Variants in LRP1B observed in about 807,000 individuals in gnomAD.
LRP1B encodes LDL receptor related protein 1B.
A neutral mutation model predicts 556.6 loss-of-function variants in LRP1B; 217 were observed. That is an observed-to-expected ratio of 0.39 (90% CI 0.35 to 0.44). The LOEUF (loss-of-function observed/expected upper bound fraction) is 0.44. LRP1B is among the 20% of genes least tolerant of loss of function. The probability of loss-of-function intolerance (pLI) is 1.00; values close to 1 mark genes in which losing one functional copy is unlikely to be tolerated. For missense variants in LRP1B, 5,053 were observed against 5,620.8 expected, an observed-to-expected ratio of 0.90 and a Z score of 3.23; for synonymous variants, 2,047 against 1,865.8, an observed-to-expected ratio of 1.10 and a Z score of -2.50.
At chr2:141,081,776 T>C (rs1448463482) in intron 7 of LRP1B, among the ~76,000 whole-genome samples, 2 of 152,172 alleles carry the variant, frequency 1.3e-5, no homozygotes, top group African/African-American at 4.8e-5. Context: ...CTGAGCTGTC[T>C]CTAGTAACAC....
intron 3 of LRP1B, among the ~76,000 whole-genome samples, chr2:141,316,996 G>C (rs993432502): frequency 1.3e-5 from 2 of 152,176 alleles, no homozygotes; most frequent in African/African-American, 4.8e-5. Flanking sequence ...GGGAATTGTA[G>C]AGTTTATAAA....
In LRP1B at chr2:141,140,805, G is replaced by A. The variant is rs553386565; in HGVS notation, c.1013+47616C>T. Among the ~76,000 whole-genome samples, 40 of 151,932 alleles carry A rather than the reference G, an allele frequency of 2.6e-4. No homozygotes were observed. The South Asian group carries it at 6.7e-3, about 25-fold the overall frequency. The stretch of plus-strand genomic sequence containing the variant: ...CTAATACAAGTGTTTTTAAAAATGC[G>A]AAAAAACCGCTAATCTGATTGACTT... On this transcript the variant is annotated intron_variant, in intron 7 of 90. Coordinates refer to ENST00000389484, the MANE Select transcript of LRP1B (RefSeq NM_018557.3).
intron 18 of LRP1B, among the ~76,000 whole-genome samples, chr2:140,976,662 C>T (rs116486031): frequency 0.038 from 5,753 of 151,746 alleles, 185 homozygotes; most frequent in Non-Finnish European, 0.054. Context: ...CATGCATTAC[C>T]ACGCCCCACT....
At chr2:141,645,492 T>G (rs1024341751) in intron 2 of LRP1B, among the ~76,000 whole-genome samples, 5 of 121,446 alleles carry the variant, frequency 4.1e-5, no homozygotes, top group East Asian at 2.5e-4. Flanking sequence ...TTTTTTTTTT[T>G]GGGTGGTTTT....
intron 43 of LRP1B, among the ~76,000 whole-genome samples, chr2:140,584,361 C>A (rs1681899284): frequency 6.8e-6 from 1 of 146,246 alleles, no homozygotes; most frequent in South Asian, 2.2e-4. Context: ...AGTTTGTAAG[C>A]AAAGTTAATT....
chr2:141,498,664 G>A (rs1683606564), intron 2 of LRP1B, among the ~76,000 whole-genome samples: 1 of 151,966 alleles, frequency 6.6e-6, no homozygotes, highest in Admixed American at 6.6e-5. Context: ...ATCCTGCAAA[G>A]GAGCTGCTTC....
chr2:141,658,539 C>T (rs569869490), intron 2 of LRP1B, among the ~76,000 whole-genome samples: 76 of 152,296 alleles, frequency 5.0e-4, no homozygotes, highest in African/African-American at 1.4e-3. Context: ...CCCAGCCATC[C>T]CAACATCCCA....
chr2:140,839,472 A>G (rs1004449597), intron 31 of LRP1B, among the ~76,000 whole-genome samples: 2 of 152,154 alleles, frequency 1.3e-5, no homozygotes, highest in African/African-American at 4.8e-5. Flanking sequence ...TGCTAGCGTA[A>G]AAGCAGGCAG....
intron 41 of LRP1B, among the ~76,000 whole-genome samples, chr2:140,630,929 T>C (rs1425558039): frequency 6.6e-6 from 1 of 152,120 alleles, no homozygotes; most frequent in Non-Finnish European, 1.5e-5. Context: ...GGTCACAGAA[T>C]TCTAGGATAC....
chr2:141,816,709 A>G (rs1696564770), intron 1 of LRP1B, among the ~76,000 whole-genome samples: 1 of 152,054 alleles, frequency 6.6e-6, no homozygotes, highest in Non-Finnish European at 1.5e-5. Context: ...CCCTTTAGAG[A>G]AACCTGACAA....
At chr2:141,764,067 G>A (rs1206510000) in intron 2 of LRP1B, among the ~76,000 whole-genome samples, 1 of 152,118 alleles carries the variant, frequency 6.6e-6, no homozygotes, top group African/African-American at 2.4e-5. Flanking sequence ...TATGTCATCC[G>A]AAAATTCGGA....
chr2:141,861,061 G>A (rs771575539), intron 1 of LRP1B, among the ~76,000 whole-genome samples: 6 of 152,070 alleles, frequency 3.9e-5, no homozygotes, highest in Non-Finnish European at 8.8e-5. Context: ...CAATGTATAC[G>A]ATAAATTTTA....
intron 82 of LRP1B, among the ~76,000 whole-genome samples, 177 bp downstream of exon 82, chr2:140,321,782 AGAAT>A (rs764987342): frequency 6.6e-6 from 1 of 151,954 alleles, no homozygotes; most frequent in Non-Finnish European, 1.5e-5. Flanking sequence ...GAATAAATGC[AGAAT>A]GAATTGTTTG....
chr2:142,063,635 G>A (rs1265996729), intron 1 of LRP1B, among the ~76,000 whole-genome samples: 3 of 151,294 alleles, frequency 2.0e-5, no homozygotes, highest in African/African-American at 2.4e-5. Context: ...ATTCATTTCC[G>A]CTACTTTTAA....
intron 3 of LRP1B, among the ~76,000 whole-genome samples, chr2:141,278,680 G>A (rs1685396341): frequency 6.6e-6 from 1 of 152,202 alleles, no homozygotes; most frequent in Admixed American, 6.5e-5. Flanking sequence ...AGGGACCCAT[G>A]AGGCCTGCTT....
chr2:142,099,977 G>T (rs1281923511), intron 1 of LRP1B, among the ~76,000 whole-genome samples: 1 of 151,854 alleles, frequency 6.6e-6, no homozygotes, highest in Non-Finnish European at 1.5e-5. Context: ...TTGTAATAGA[G>T]CCTGGTTCAC....
At chr2:141,523,390 A>C (rs1047993961) in intron 2 of LRP1B, among the ~76,000 whole-genome samples, 3 of 152,122 alleles carry the variant, frequency 2.0e-5, no homozygotes, top group African/African-American at 7.2e-5. Context: ...TATGACAGGT[A>C]ACCTCTCAAA....
At position 140,568,376 on chromosome 2, in the gene LRP1B, G is replaced by T. The variant is rs774572178; in HGVS notation, c.7195-26405C>A. On this transcript the variant is annotated intron_variant, in intron 43 of 90. Coordinates refer to ENST00000389484, the MANE Select transcript of LRP1B (RefSeq NM_018557.3). ...AACTGAGAGTTTCAACATCAGACTAGATCAAGCAGAATAAAGAATTTCTTA... is the reference window on the plus strand; with the variant it reads ...AACTGAGAGTTTCAACATCAGACTATATCAAGCAGAATAAAGAATTTCTTA... Among the ~76,000 whole-genome samples the T allele has an allele frequency of 1.2e-4, 18 of 151,618 alleles. 1 individual carries two copies. The highest frequency in any genetic ancestry group is 2.1e-4 in the Non-Finnish European group (14 of 67,914).
In LRP1B at chr2:141,412,362, C is replaced by A. The variant is rs146762009; in HGVS notation, c.343+68034G>T. 1.4e-3 allele frequency among the ~76,000 whole-genome samples: 206 copies of A among 152,262 alleles called. 2 individuals are homozygous for A. The highest frequency in any genetic ancestry group is 0.012 in the Admixed American group (190 of 15,298). On this transcript the variant is annotated intron_variant, in intron 3 of 90. Coordinates refer to ENST00000389484, the MANE Select transcript of LRP1B (RefSeq NM_018557.3). ...TGAGCTCTTTTCCCACCTGCAGTTTCTCTTTAGTTCATAAGAGCCTTATGC... is the reference window on the plus strand; with the variant it reads ...TGAGCTCTTTTCCCACCTGCAGTTTATCTTTAGTTCATAAGAGCCTTATGC...
Sources: gnomAD v4.1 joint callset for allele counts (sites outside exome capture counted in the v4.1 genomes callset) on GRCh38, gnomAD v4.1.1 for gene constraint, MANE v1.5 for transcripts, NCBI Gene and HGNC (gene_info 2026-07-23, HGNC 2026-07-21) for gene names.